DLGAP2: variants seen among roughly 807,000 people sequenced by gnomAD.
DLGAP2 encodes DLG associated protein 2.
Under a neutral mutation model 100.3 loss-of-function variants are expected in DLGAP2, and 26 were observed. That is an observed-to-expected ratio of 0.26 (90% CI 0.19 to 0.36). The LOEUF (loss-of-function observed/expected upper bound fraction) is 0.36. Among genes scored for constraint, DLGAP2 ranks in the 10% least tolerant of loss-of-function variants. DLGAP2 has a pLI of 1.00. For missense variants in DLGAP2, 1,858 were observed against 1,453.2 expected (o/e 1.28, Z -4.53); for synonymous variants, 886 against 630.1 (o/e 1.41, Z -6.08).
chr8:1,204,331 G>A (rs1797945329), intron 2 of DLGAP2, among the ~76,000 whole-genome samples: 1 of 152,202 alleles, frequency 6.6e-6, no homozygotes, highest in Non-Finnish European at 1.5e-5. Context: ...ACAATTACAG[G>A]CCATGGTGTG....
At chr8:1,039,510 C>T (rs1406501958) in intron 2 of DLGAP2, among the ~76,000 whole-genome samples, 3 of 130,520 alleles carry the variant, frequency 2.3e-5, no homozygotes, top group Non-Finnish European at 3.1e-5. Context: ...ATGGTCGGCT[C>T]GGTGTGCATG....
At chr8:1,514,061 C>A (rs1042877626) in intron 4 of DLGAP2, among the ~76,000 whole-genome samples, 2 of 152,206 alleles carry the variant, frequency 1.3e-5, no homozygotes, top group Non-Finnish European at 2.9e-5. Flanking sequence ...TACTTCTGAG[C>A]GCCCACCACT....
chr8:1,627,836 T>C (rs976228246), intron 7 of DLGAP2, among the ~76,000 whole-genome samples: 13 of 151,666 alleles, frequency 8.6e-5, no homozygotes, highest in Non-Finnish European at 1.3e-4. Context: ...GGAGCAGGGA[T>C]TAAGAGCCTG....
At chr8:1,352,142 C>A (rs74867624) in intron 3 of DLGAP2, among the ~76,000 whole-genome samples, 6 of 75,326 alleles carry the variant, frequency 8.0e-5, no homozygotes, top group South Asian at 5.9e-4. Flanking sequence ...CGGGTCCTGA[C>A]TGTGTGTGGA....
At chr8:1,500,800 G>C (rs1024474091) in intron 3 of DLGAP2, among the ~76,000 whole-genome samples, 1 of 152,232 alleles carries the variant, frequency 6.6e-6, no homozygotes, top group Non-Finnish European at 1.5e-5. Context: ...CAGTGACCTG[G>C]GTGATCTCCC....
At chr8:1,153,331 C>T (rs1363580978) in intron 2 of DLGAP2, among the ~76,000 whole-genome samples, 1 of 152,156 alleles carries the variant, frequency 6.6e-6, no homozygotes, top group African/African-American at 2.4e-5. Flanking sequence ...CATAACTTGC[C>T]TACCTCAAGA....
At chr8:1,475,691 G>A (rs1172192664) in intron 3 of DLGAP2, among the ~76,000 whole-genome samples, 5 of 152,166 alleles carry the variant, frequency 3.3e-5, no homozygotes, top group South Asian at 2.1e-4. Flanking sequence ...CAGAACCCTC[G>A]CGTGGTCCAC....
At chr8:1,081,217 G>T (rs1409672429) in intron 2 of DLGAP2, among the ~76,000 whole-genome samples, 1 of 152,182 alleles carries the variant, frequency 6.6e-6, no homozygotes, top group Non-Finnish European at 1.5e-5. Context: ...GTTAAAGGCA[G>T]TATTAAAAGT....
intron 1 of DLGAP2, chr8:738,750 T>A (rs1050867297): frequency 2.6e-5 from 4 of 151,730 alleles, no homozygotes; most frequent in Admixed American, 2.0e-4. Context: ...GCGCGCGGCG[T>A]GTGCGGTGCC....
At chr8:1,432,641 C>G (rs1341822965) in intron 3 of DLGAP2, among the ~76,000 whole-genome samples, 1 of 152,196 alleles carries the variant, frequency 6.6e-6, no homozygotes, top group East Asian at 1.9e-4. Context: ...ACACATTTGA[C>G]ATTTTCATAT....
chr8:1,141,029 G>A (rs1796512050), intron 2 of DLGAP2, among the ~76,000 whole-genome samples: 1 of 152,208 alleles, frequency 6.6e-6, no homozygotes, highest in African/African-American at 2.4e-5. Flanking sequence ...CATTGAAGGT[G>A]TGGCAGGAAT....
At position 802,568 on chromosome 8, in the gene DLGAP2, C is replaced by T. The variant is rs557983741; in HGVS notation, c.18+64743C>T. ...ACGGCACATCCAGCTCTGTGCCAGG[C>T]GCTCAGGGGCTGCATGGCGGGGTGG... On this transcript the variant is annotated intron_variant, in intron 1 of 14. Transcript: ENST00000637795. 7.9e-4 allele frequency among the ~76,000 whole-genome samples: 120 copies of T among 152,272 alleles called. 1 individual carries two copies. The highest frequency in any genetic ancestry group is 2.4e-3 in the African/African-American group (101 of 41,548).
At chr8:1,303,891 A>G (rs1430152135) in intron 3 of DLGAP2, among the ~76,000 whole-genome samples, 2 of 152,114 alleles carry the variant, frequency 1.3e-5, no homozygotes, top group African/African-American at 4.8e-5. Context: ...TGGGAGGTGG[A>G]GGGAGATGGG....
At chr8:762,390 T>C (rs1182789833) in intron 1 of DLGAP2, among the ~76,000 whole-genome samples, 1 of 152,212 alleles carries the variant, frequency 6.6e-6, no homozygotes, top group Non-Finnish European at 1.5e-5. Context: ...TATAACATGA[T>C]GGATGAGAAC....
chr8:1,656,100 G>T (rs1367257389), intron 8 of DLGAP2, among the ~76,000 whole-genome samples: 1 of 152,190 alleles, frequency 6.6e-6, no homozygotes, highest in East Asian at 1.9e-4. Flanking sequence ...AAGGCGGGCA[G>T]ATCACCTGAG....
At position 1,618,693 on chromosome 8, in the gene DLGAP2, G is replaced by A. The variant is rs182006753; in HGVS notation, c.1443-8047G>A. Among the ~76,000 whole-genome samples, 71 of 152,308 alleles carry A rather than the reference G, an allele frequency of 4.7e-4. No individual in the cohort carries two copies. The East Asian group carries it at 0.011, about 24-fold the overall frequency. ...ACAGTGTGATATTCATATAAGAATA[G>A]AAAAGGGTCTCTCAGCCTCAGCACT... On this transcript the variant is annotated intron_variant, in intron 6 of 14. Coordinates refer to ENST00000637795, the MANE Select transcript of DLGAP2 (RefSeq NM_001346810.2).
At chr8:1,530,726 C>T (rs542533033) in intron 4 of DLGAP2, among the ~76,000 whole-genome samples, 7 of 152,368 alleles carry the variant, frequency 4.6e-5, no homozygotes, top group South Asian at 2.1e-4. Context: ...TCACAATCCA[C>T]GTTCTTCTGC....
intron 6 of DLGAP2, among the ~76,000 whole-genome samples, chr8:1,619,081 A>G (rs1797247528): frequency 6.6e-6 from 1 of 152,244 alleles, no homozygotes; most frequent in Non-Finnish European, 1.5e-5. Context: ...GGCAAGCCAT[A>G]GAATAAGGGA....
At chr8:1,212,109 C>T (rs568593526) in intron 2 of DLGAP2, among the ~76,000 whole-genome samples, 1 of 152,296 alleles carries the variant, frequency 6.6e-6, no homozygotes, top group East Asian at 1.9e-4. Flanking sequence ...TGTGCAGTGA[C>T]TCAGAGAATA....
Sources: allele counts gnomAD v4.1 joint callset (sites outside exome capture counted in the v4.1 genomes callset), GRCh38; gene constraint gnomAD v4.1.1; transcripts MANE v1.5; gene names NCBI Gene and HGNC (gene_info 2026-07-23, HGNC 2026-07-21).